The following CNTNAP2 variants were observed in gnomAD, a reference collection of about 807,000 sequenced individuals.
CNTNAP2 encodes the protein contactin associated protein 2, also known as contactin-associated protein-like 2.
A neutral mutation model predicts 155.2 loss-of-function variants in CNTNAP2; 98 were observed. The observed-to-expected ratio is 0.63, with a 90% CI of 0.54 to 0.75. The LOEUF (loss-of-function observed/expected upper bound fraction) is 0.75. Ranked by LOEUF, CNTNAP2 falls within the 30% of genes least tolerant of loss-of-function variation. CNTNAP2 has a pLI of 0.00. For synonymous variants in CNTNAP2, 651 were observed against 631.2 expected, an observed-to-expected ratio of 1.03 and a Z score of -0.47; for missense variants, 1,727 against 1,688.1, an observed-to-expected ratio of 1.02 and a Z score of -0.40.
At chr7:147,992,668 C>T (rs988029911) in intron 15 of CNTNAP2, among the ~76,000 whole-genome samples, 2 of 152,168 alleles carry the variant, frequency 1.3e-5, no homozygotes, top group African/African-American at 4.8e-5. Flanking sequence ...ATATTAGTTG[C>T]TAGACCAACA....
At chr7:148,359,370 C>T (rs1305347886) in intron 21 of CNTNAP2, among the ~76,000 whole-genome samples, 1 of 152,202 alleles carries the variant, frequency 6.6e-6, no homozygotes, top group African/African-American at 2.4e-5. Context: ...TATAAATAAG[C>T]ACACTTTTCA....
At chr7:146,830,758 A>G (rs1179811493) in intron 2 of CNTNAP2, among the ~76,000 whole-genome samples, 2 of 152,262 alleles carry the variant, frequency 1.3e-5, no homozygotes, top group East Asian at 1.9e-4. Flanking sequence ...TTGTTATCCT[A>G]TTAGGTTTCT....
intron 3 of CNTNAP2, among the ~76,000 whole-genome samples, chr7:146,963,755 T>C (rs1188949000): frequency 6.6e-6 from 1 of 152,230 alleles, no homozygotes; most frequent in Non-Finnish European, 1.5e-5. Flanking sequence ...TTGTTTCATA[T>C]TGTCCCTTGT....
At chr7:146,711,343 A>AAT (rs1212822449) in intron 1 of CNTNAP2, among the ~76,000 whole-genome samples, 2 of 147,324 alleles carry the variant, frequency 1.4e-5, no homozygotes, top group Non-Finnish European at 3.0e-5. Flanking sequence ...ATATATGTAA[A>AAT]ATATATATGT....
At chr7:146,765,537 CA>C (rs1259019743) in intron 1 of CNTNAP2, among the ~76,000 whole-genome samples, 1 of 152,140 alleles carries the variant, frequency 6.6e-6, no homozygotes, top group East Asian at 1.9e-4. Context: ...CAGCTCTCTG[CA>C]AGGTTGTGTT....
intron 10 of CNTNAP2, among the ~76,000 whole-genome samples, chr7:147,407,328 C>T (rs1005033225): frequency 4.0e-5 from 6 of 151,438 alleles, no homozygotes; most frequent in African/African-American, 9.7e-5. Context: ...ATTAGCCGGG[C>T]GTGGTGGCGG....
intron 3 of CNTNAP2, among the ~76,000 whole-genome samples, chr7:146,941,778 G>A (rs1797062262): frequency 1.3e-5 from 2 of 151,436 alleles, no homozygotes; most frequent in Admixed American, 1.3e-4. Flanking sequence ...TTGGTTGACA[G>A]ATTTTTTTTT....
At chr7:146,476,027 C>G (rs1465507362) in intron 1 of CNTNAP2, among the ~76,000 whole-genome samples, 1 of 152,126 alleles carries the variant, frequency 6.6e-6, no homozygotes, top group Non-Finnish European at 1.5e-5. Flanking sequence ...AGGAAGCTGT[C>G]TCTACACAGG....
At chr7:148,337,319 C>G (rs964262240) in intron 21 of CNTNAP2, among the ~76,000 whole-genome samples, 1 of 152,102 alleles carries the variant, frequency 6.6e-6, no homozygotes, top group African/African-American at 2.4e-5. Flanking sequence ...GATGCCCTGA[C>G]CCGCCTGCCC....
intron 3 of CNTNAP2, among the ~76,000 whole-genome samples, chr7:146,895,294 C>A: frequency 6.8e-6 from 1 of 146,588 alleles, no homozygotes; most frequent in Admixed American, 6.8e-5. Flanking sequence ...CCTTCCTTCC[C>A]TCCCGCCCTC....
At chr7:148,043,858 G>A (rs1196187678) in intron 15 of CNTNAP2, among the ~76,000 whole-genome samples, 2 of 152,156 alleles carry the variant, frequency 1.3e-5, no homozygotes, top group African/African-American at 4.8e-5. Flanking sequence ...GAGTCTCAAG[G>A]ATGATTTTCT....
chr7:146,293,865 G>A (rs951030263), intron 1 of CNTNAP2, among the ~76,000 whole-genome samples: 3 of 152,114 alleles, frequency 2.0e-5, no homozygotes, highest in Admixed American at 6.6e-5. Flanking sequence ...CTTCCATAAT[G>A]TAAAAGTGGT....
At chr7:148,297,086 A>G (rs1797298312) in intron 21 of CNTNAP2, among the ~76,000 whole-genome samples, 1 of 152,080 alleles carries the variant, frequency 6.6e-6, no homozygotes, top group South Asian at 2.1e-4. Flanking sequence ...AAAGAACAAT[A>G]AAAATCAGAT....
intron 8 of CNTNAP2, among the ~76,000 whole-genome samples, chr7:147,262,304 G>A (rs915878541): frequency 1.3e-5 from 2 of 152,208 alleles, no homozygotes; most frequent in African/African-American, 2.4e-5. Context: ...TACATAGGGT[G>A]TGTTACGGGC....
At chr7:146,609,468 G>A (rs538980503) in intron 1 of CNTNAP2, among the ~76,000 whole-genome samples, 2 of 152,236 alleles carry the variant, frequency 1.3e-5, no homozygotes, top group South Asian at 2.1e-4. Context: ...TGTGAATACT[G>A]TGACTACTAA....
chr7:146,802,015 A>C (rs1262041029), intron 2 of CNTNAP2, among the ~76,000 whole-genome samples: 1 of 152,220 alleles, frequency 6.6e-6, no homozygotes, highest in Non-Finnish European at 1.5e-5. Flanking sequence ...ATTTAGAAAA[A>C]AATTTAGATA....
intron 1 of CNTNAP2, among the ~76,000 whole-genome samples, chr7:146,500,130 TTA>T (rs1235145951): frequency 6.6e-6 from 1 of 152,152 alleles, no homozygotes; most frequent in African/African-American, 2.4e-5. Flanking sequence ...AAATATCAGA[TTA>T]TGTCATCTGA....
chr7:146,336,377 A>G (rs2129095791), intron 1 of CNTNAP2, among the ~76,000 whole-genome samples: 1 of 152,250 alleles, frequency 6.6e-6, no homozygotes, highest in South Asian at 2.1e-4. Flanking sequence ...TCTTTCACCC[A>G]GAACTTTCTC....
chr7:148,284,230 T>C (rs1189236035), intron 21 of CNTNAP2, among the ~76,000 whole-genome samples: 9 of 147,990 alleles, frequency 6.1e-5, no homozygotes, highest in African/African-American at 2.3e-4. Flanking sequence ...TTCCCACTTG[T>C]TGTGGGAGGG....
Sources: gnomAD v4.1 joint callset for allele counts (sites outside exome capture counted in the v4.1 genomes callset) on GRCh38, gnomAD v4.1.1 for gene constraint, MANE v1.5 for transcripts, NCBI Gene and HGNC (gene_info 2026-07-23, HGNC 2026-07-21) for gene names.